Variants in GPR108 observed in about 807,000 individuals in gnomAD.
GPR108 encodes the protein G protein-coupled receptor 108.
In GPR108, 60 loss-of-function variants were observed where a neutral mutation model predicts 74.3. The observed-to-expected ratio is 0.81, with a 90% confidence interval of 0.66 to 1.00. The LOEUF (loss-of-function observed/expected upper bound fraction) is 1.00. GPR108 is among the 50% of genes least tolerant of loss of function. The pLI, the probability that GPR108 is intolerant of heterozygous loss-of-function variation, is 0.00. For synonymous variants in GPR108, 311 were observed against 292.4 expected, an observed-to-expected ratio of 1.06 and a Z score of -0.65; for missense variants, 667 against 703.3, an observed-to-expected ratio of 0.95 and a Z score of 0.58.
chr19:6,730,631 ACT>A lies in GPR108; in HGVS notation c.1560-249_1560-248del, dbSNP rs1247876312. On this transcript the variant is annotated intron_variant, in intron 17 of 17. Transcript: ENST00000264080. ...GGCCCCACCCACTCTACCCGTAACC[ACT>A]CAGGCCCCGCCCACCTTACTGCCAT... 6 of 389,322 alleles carry A rather than the reference ACT, an allele frequency of 1.5e-5. No individual in the cohort carries two copies. In the East Asian group the frequency reaches 2.1e-4, roughly 14 times the overall value. The allele number at this position is 389,322 out of a possible 1,614,324, so 24.1% of individuals were successfully genotyped here. A position where few individuals can be genotyped will look rare whatever the true frequency, so the allele number is the denominator to read the frequency against.
Position 6,735,941 on chromosome 19 carries a change from G to A in GPR108, c.258C>T (p.Ser86=). The change falls in exon 3 of 18, where the codon AGC becomes AGT. Residue 86 remains serine (S), a synonymous_variant. Coordinates refer to ENST00000264080, the MANE Select transcript of GPR108 (RefSeq NM_001080452.2). ...EKSLLVGFSL[S]RVRSGRVRSY... ...AGCGAACTCTGCCAGACCGAACCCG[G>A]CTGAGACTGAACCCCACCTGGTGGG... 1.9e-6 allele frequency: 3 copies of A among 1,610,828 alleles called. No individual in the cohort carries two copies. The highest frequency in any genetic ancestry group is 2.5e-6 in the Non-Finnish European group (3 of 1,178,278).
At chr19:6,737,122 G>T (rs73922484) in intron 1 of GPR108, 2 of 387,032 alleles carry the variant, frequency 5.2e-6, no homozygotes, top group East Asian at 1.0e-4. Flanking sequence ...CCAGGACCCC[G>T]CTGTGCGGCT....
At position 6,731,013 on chromosome 19, in the gene GPR108, G is replaced by T. The variant is rs761983707; in HGVS notation, c.1533C>A (p.Asp511Glu). ...CTTGCTCCATCTGAACATCCTCCTC[G>T]TCCTCCTGGGGCAGCTGCAGGTACG... is the stretch of plus-strand genomic sequence containing the variant. Reference protein sequence around the residue: ...NNPYLQLPQEDEEDVQMEQVM... With the variant: ...NNPYLQLPQEEEEDVQMEQVM... The change falls in exon 17 of 18, where the codon GAC becomes GAA. Residue 511 changes from aspartate to glutamate, a missense_variant. Coordinates refer to ENST00000264080, the MANE Select transcript of GPR108 (RefSeq NM_001080452.2). 100 of 1,611,260 alleles carry T rather than the reference G, an allele frequency of 6.2e-5. No individual in the cohort carries two copies. Among genetic ancestry groups the T allele is most frequent in the Non-Finnish European group, 8.1e-5 (95 of 1,179,254 alleles).
In GPR108 at chr19:6,730,293, G is replaced by T; in HGVS notation, c.*19C>A. On this transcript the variant is annotated 3_prime_UTR_variant, in exon 18 of 18. Transcript: ENST00000264080. ...AATGCTGGGGGAGGACGACCCTTTGGTCTGAGATGTGGAGGTGATCATAAC... is the reference window on the plus strand; with the variant it reads ...AATGCTGGGGGAGGACGACCCTTTGTTCTGAGATGTGGAGGTGATCATAAC... The T allele has an allele frequency of 6.2e-7, 1 of 1,609,006 alleles. No individual in the cohort carries two copies. Among genetic ancestry groups the T allele is most frequent in the South Asian group, 1.1e-5 (1 of 90,976 alleles).
At chr19:6,732,865 G>A in intron 10 of GPR108, 122 bp downstream of exon 10, 1 of 840,006 alleles carries the variant, frequency 1.2e-6, no homozygotes, top group South Asian at 1.6e-5. Flanking sequence ...GGTAAAATGG[G>A]TGGACACGTG....
At chr19:6,735,788 G>A (rs1430774764) in intron 3 of GPR108, 84 bp from the exon 4 acceptor site, 14 of 1,533,166 alleles carry the variant, frequency 9.1e-6, no homozygotes, top group African/African-American at 4.2e-5. Flanking sequence ...GTCCACCCAC[G>A]GGATCTTCCT....
chr19:6,737,270 G>C (rs1968678433), intron 1 of GPR108, 187 bp downstream of exon 1: 1 of 730,864 alleles, frequency 1.4e-6, no homozygotes, highest in Non-Finnish European at 2.1e-6. Flanking sequence ...AGGCGGACCC[G>C]GCAACTCCAT....
At position 6,733,314 on chromosome 19, in the gene GPR108, C is replaced by A. The variant is rs377136960; in HGVS notation, c.724-13G>T. On this transcript the variant is annotated splice_polypyrimidine_tract_variant and intron_variant, in intron 8 of 17. Coordinates refer to ENST00000264080, the MANE Select transcript of GPR108 (RefSeq NM_001080452.2). The stretch of plus-strand genomic sequence containing the variant: ...CCCGGATCATCACCTGCGGAGGGGG[C>A]AGTGGTGGGCGGCGGCAGGGGCACA... 6.8e-6 allele frequency: 11 copies of A among 1,610,672 alleles called. No individual in the cohort carries two copies. In the African/African-American group the frequency reaches 1.3e-4, roughly 20 times the overall value.
chr19:6,733,377 C>T, intron 8 of GPR108, 76 bp from the exon 9 acceptor site: 1 of 1,464,680 alleles, frequency 6.8e-7, no homozygotes, highest in Non-Finnish European at 9.4e-7. Context: ...GAGTGGGGGT[C>T]TCCAGCTCTC....
intron 1 of GPR108, chr19:6,737,226 C>G: frequency 1.8e-6 from 1 of 543,148 alleles, no homozygotes; most frequent in East Asian, 3.4e-5. Flanking sequence ...AGAGATGGAG[C>G]CTCGCCCCCG....
intron 1 of GPR108, 67 bp downstream of exon 1, chr19:6,737,390 A>T: frequency 6.5e-7 from 1 of 1,537,996 alleles, no homozygotes; most frequent in Non-Finnish European, 8.7e-7. Context: ...AGACCACTCC[A>T]AGCCAGGGGG....
rs1385512604 is a variant in GPR108, at chr19:6,737,557, C to T, written c.20G>A (p.Arg7Lys). The T allele has an allele frequency of 1.3e-6, 2 of 1,521,634 alleles. No individual in the cohort carries two copies. Among genetic ancestry groups the T allele is most frequent in the Non-Finnish European group, 1.8e-6 (2 of 1,141,196 alleles). The allele number at this position is 1,521,634 out of a possible 1,614,324, so 94.3% of individuals were successfully genotyped here. Reference protein sequence around the residue: MAVSERRGLGRGSPAEW... With the variant: MAVSERKGLGRGSPAEW... ...CGCGGGGCTCCCGCGGCCGAGCCCCCTCCTCTCGCTCACTGCCATCTCTGG... is the reference window on the plus strand; with the variant it reads ...CGCGGGGCTCCCGCGGCCGAGCCCCTTCCTCTCGCTCACTGCCATCTCTGG... Residue 7 changes from arginine to lysine, a missense_variant, in exon 1 of 18, where the codon AGG becomes AAG. Physicochemically the swap from Arg to Lys is conservative, Grantham distance 26. Transcript: ENST00000264080.
intron 16 of GPR108, 30 bp downstream of exon 16, chr19:6,731,169 C>T: frequency 6.2e-7 from 1 of 1,606,428 alleles, no homozygotes; most frequent in Non-Finnish European, 8.5e-7. Context: ...CCGTGGCCGC[C>T]CTCCCGTCCC....
Position 6,732,378 on chromosome 19 carries a change from A to C in GPR108, c.1010T>G (p.Leu337Arg), listed in dbSNP as rs774951287. The C allele has an allele frequency of 1.9e-6, 3 of 1,613,464 alleles. No individual in the cohort carries two copies. Among genetic ancestry groups the C allele is most frequent in the South Asian group, 1.1e-5 (1 of 91,086 alleles). The change falls in exon 12 of 18, where the codon CTG becomes CGG. Residue 337 changes from leucine to arginine, a missense_variant and splice_region_variant. Coordinates refer to ENST00000264080, the MANE Select transcript of GPR108 (RefSeq NM_001080452.2). ...GGTGATGAAGAGGAGGGCGCCCTTC[A>C]GCCTGAAGGAGCAGGGGAGGGCGTG... ...LAVMYYIAHL[L>R]KGALLFITIA...
In GPR108 at chr19:6,730,447, C is replaced by T. The variant is rs370858978; in HGVS notation, c.1560-63G>A. The T allele has an allele frequency of 1.6e-4, 222 of 1,407,264 alleles. No homozygotes were observed. In the African/African-American group the frequency reaches 3.0e-3, roughly 19 times the overall value. The allele number at this position is 1,407,264 out of a possible 1,614,324, so 87.2% of individuals were successfully genotyped here. On this transcript the variant is annotated intron_variant, in intron 17 of 17. Transcript: ENST00000264080. ...GGCAGCAGGCCCCACCCACTCTACC[C>T]GGAACCACTCAGGCCCCGCCCCACT...
In GPR108 at chr19:6,731,536, C is replaced by CA; in HGVS notation, c.1301-15dup. On this transcript the variant is annotated splice_polypyrimidine_tract_variant and intron_variant, in intron 14 of 17. Transcript: ENST00000264080. ...GGTTCACTGCCACTGAGGGTGGGCA[C>CA]AGAGAGGGCGGTCAGGGGAGACTGA... The CA allele has an allele frequency of 1.8e-6, 2 of 1,127,398 alleles. No homozygotes were observed. The highest frequency in any genetic ancestry group is 2.2e-6 in the Non-Finnish European group (2 of 900,590). The allele number at this position is 1,127,398 out of a possible 1,614,324, so 69.8% of individuals were successfully genotyped here. A position where few individuals can be genotyped will look rare whatever the true frequency, so the allele number is the denominator to read the frequency against.
intron 14 of GPR108, 50 bp downstream of exon 14, chr19:6,731,841 G>A (rs375442360): frequency 1.2e-5 from 19 of 1,599,846 alleles, no homozygotes; most frequent in Admixed American, 1.7e-5. Flanking sequence ...AGAAGGGCCC[G>A]GAGGAGGAAT....
chr19:6,734,123 G>C (rs1051447843), intron 5 of GPR108, 60 bp downstream of exon 5: 5 of 1,613,958 alleles, frequency 3.1e-6, no homozygotes, highest in Non-Finnish European at 4.2e-6. Flanking sequence ...AAAACGGCAT[G>C]GGGAGTGCAA....
rs1435766371 is a variant in GPR108, at chr19:6,730,391, G to A, written c.1560-7C>T. ...GAACCCAGAGTCCGTCATTCTGGGGGCAGACAGCGAGGAGGCGTCTAGCGT... is the reference window on the plus strand; with the variant it reads ...GAACCCAGAGTCCGTCATTCTGGGGACAGACAGCGAGGAGGCGTCTAGCGT... On this transcript the variant is annotated splice_region_variant and splice_polypyrimidine_tract_variant and intron_variant, in intron 17 of 17. Transcript: ENST00000264080. The A allele has an allele frequency of 1.2e-6, 2 of 1,612,152 alleles. No homozygotes were observed. Among genetic ancestry groups the A allele is most frequent in the Non-Finnish European group, 1.7e-6 (2 of 1,179,460 alleles).
Sources: allele counts gnomAD v4.1 joint callset, GRCh38; gene constraint gnomAD v4.1.1; transcripts MANE v1.5; gene names NCBI Gene and HGNC (gene_info 2026-07-23, HGNC 2026-07-21).